RAD51B: variants seen among roughly 807,000 people sequenced by gnomAD.
RAD51B encodes the protein RAD51 paralog B.
Under a neutral mutation model 42.2 loss-of-function variants are expected in RAD51B, and 38 were observed. The observed-to-expected ratio is 0.90, with a 90% CI of 0.70 to 1.18. The LOEUF is 1.18. Ranked by LOEUF, RAD51B falls within the 50% of genes most tolerant of loss-of-function variation. The pLI is 0.00. For synonymous variants in RAD51B, 154 were observed against 145.2 expected (o/e 1.06, Z -0.43); for missense variants, 373 against 400.7 (o/e 0.93, Z 0.59).
intron 7 of RAD51B, among the ~76,000 whole-genome samples, chr14:67,929,219 G>A (rs923871140): frequency 2.6e-5 from 4 of 151,832 alleles, no homozygotes; most frequent in Admixed American, 2.6e-4. Flanking sequence ...TCTGATTTAG[G>A]TGTTTATTGC....
intron 7 of RAD51B, among the ~76,000 whole-genome samples, chr14:67,918,767 C>A (rs537862637): frequency 6.6e-6 from 1 of 152,164 alleles, no homozygotes; most frequent in African/African-American, 2.4e-5. Context: ...GGAAGCAATA[C>A]CTTCAAAGTG....
At chr14:68,508,087 CTGAGGGGAGTCTCCATGA>C (rs1354423342) in intron 10 of RAD51B, among the ~76,000 whole-genome samples, 2 of 152,170 alleles carry the variant, frequency 1.3e-5, no homozygotes, top group African/African-American at 4.8e-5. Context: ...AAGACTATTT[CTGAGGGGAGTCTCCATGA>C]TGAGGGGACC....
At chr14:68,450,917 A>G (rs567033885) in intron 9 of RAD51B, among the ~76,000 whole-genome samples, 1 of 152,314 alleles carries the variant, frequency 6.6e-6, no homozygotes, top group African/African-American at 2.4e-5. Context: ...GTTCATTCTT[A>G]GCATGACTGT....
At chr14:68,612,232 A>G (rs1012295104), downstream of RAD51B, among the ~76,000 whole-genome samples, 16 of 152,180 alleles carry the variant, frequency 1.1e-4, no homozygotes, top group African/African-American at 3.6e-4. Flanking sequence ...AGCTGTCTCA[A>G]TGGGGCCCAG....
intron 7 of RAD51B, among the ~76,000 whole-genome samples, chr14:68,288,972 G>A (rs2081465086): frequency 6.6e-6 from 1 of 152,066 alleles, no homozygotes; most frequent in Non-Finnish European, 1.5e-5. Flanking sequence ...AGCAATGTCA[G>A]TATCTTATTG....
chr14:68,075,549 G>A (rs1024757662), intron 7 of RAD51B, among the ~76,000 whole-genome samples: 1 of 151,384 alleles, frequency 6.6e-6, no homozygotes, highest in Non-Finnish European at 1.5e-5. Context: ...TGGCTGCGGT[G>A]TGCTGGAGGC....
chr14:68,281,543 C>G (rs61274387), intron 7 of RAD51B, among the ~76,000 whole-genome samples: 1 of 152,060 alleles, frequency 6.6e-6, no homozygotes, highest in African/African-American at 2.4e-5. Context: ...GGATCTGACT[C>G]CAGAGTCCAC....
intron 7 of RAD51B, among the ~76,000 whole-genome samples, chr14:68,026,263 A>G (rs765760085): frequency 1.2e-4 from 19 of 152,160 alleles, no homozygotes; most frequent in Admixed American, 1.3e-4. Context: ...CTTTATGATC[A>G]AACATATGGT....
At chr14:68,465,555 G>A (rs1383630018) in intron 9 of RAD51B, among the ~76,000 whole-genome samples, 1 of 152,138 alleles carries the variant, frequency 6.6e-6, no homozygotes. Context: ...AGGTCAACAG[G>A]ACCCATAGGT....
intron 7 of RAD51B, among the ~76,000 whole-genome samples, chr14:68,047,841 T>A (rs2076327971): frequency 6.6e-6 from 1 of 152,216 alleles, no homozygotes; most frequent in Non-Finnish European, 1.5e-5. Flanking sequence ...TTTTCATGGA[T>A]GCTTCTTTCT....
intron 10 of RAD51B, among the ~76,000 whole-genome samples, chr14:68,648,097 A>G (rs1311352757): frequency 5.4e-5 from 2 of 37,188 alleles, no homozygotes; most frequent in Non-Finnish European, 1.0e-4. Context: ...GTGTGTGTAT[A>G]TATATATACA....
intron 8 of RAD51B, among the ~76,000 whole-genome samples, chr14:68,393,618 T>C (rs997066575): frequency 4.6e-5 from 7 of 152,178 alleles, no homozygotes; most frequent in Non-Finnish European, 1.0e-4. Context: ...GTCTTTATCA[T>C]GGTTGATCTT....
At chr14:68,468,011 C>T (rs1168488304) in intron 9 of RAD51B, among the ~76,000 whole-genome samples, 161 bp from the exon 10 acceptor site, 1 of 151,678 alleles carries the variant, frequency 6.6e-6, no homozygotes, top group African/African-American at 2.4e-5. Flanking sequence ...AAGGATAACA[C>T]TCATTTAAAC....
intron 7 of RAD51B, among the ~76,000 whole-genome samples, chr14:68,146,295 C>CA (rs879716676): frequency 9.9e-5 from 15 of 152,024 alleles, no homozygotes; most frequent in Non-Finnish European, 1.8e-4. Context: ...ACTAAAAATA[C>CA]AAAAAATTAG....
At chr14:67,926,909 T>A (rs1321725521) in intron 7 of RAD51B, among the ~76,000 whole-genome samples, 1 of 152,136 alleles carries the variant, frequency 6.6e-6, no homozygotes, top group Non-Finnish European at 1.5e-5. Context: ...TTTATATAGC[T>A]CACTGGACAA....
chr14:68,120,725 T>A (rs978159812), intron 7 of RAD51B, among the ~76,000 whole-genome samples: 2 of 152,060 alleles, frequency 1.3e-5, no homozygotes, highest in African/African-American at 4.8e-5. Flanking sequence ...TTTAATCTCT[T>A]GTCCTGCTTG....
chr14:68,372,890 C>T (rs1000975969), intron 8 of RAD51B, among the ~76,000 whole-genome samples: 2 of 152,190 alleles, frequency 1.3e-5, no homozygotes, highest in Non-Finnish European at 2.9e-5. Context: ...CAACATTCTC[C>T]TTCCCTAGCA....
chr14:68,389,068 A>G (rs987114623), intron 8 of RAD51B, among the ~76,000 whole-genome samples: 3 of 152,212 alleles, frequency 2.0e-5, no homozygotes, highest in Non-Finnish European at 2.9e-5. Flanking sequence ...ACTTCTTGAC[A>G]ATATGTGTGA....
chr14:68,316,530 C>T (rs2082065694), intron 8 of RAD51B, among the ~76,000 whole-genome samples: 1 of 152,158 alleles, frequency 6.6e-6, no homozygotes, highest in Non-Finnish European at 1.5e-5. Flanking sequence ...ACTGGTTTGA[C>T]CTGTGGGTGG....
Sources: gnomAD v4.1 joint callset for allele counts (sites outside exome capture counted in the v4.1 genomes callset) on GRCh38, gnomAD v4.1.1 for gene constraint, MANE v1.5 for transcripts, NCBI Gene and HGNC (gene_info 2026-07-23, HGNC 2026-07-21) for gene names.